USP14: variants seen among roughly 807,000 people sequenced by gnomAD.
USP14 encodes the protein ubiquitin carboxyl-terminal hydrolase 14.
USP14 carries 38 observed loss-of-function variants against 76.5 expected under a neutral mutation model. The observed-to-expected ratio is 0.50, with a 90% CI of 0.38 to 0.65. The LOEUF is 0.65. Among genes scored for constraint, USP14 ranks in the 30% least tolerant of loss-of-function variants. The pLI is 0.00. For missense variants in USP14, 467 were observed against 586.5 expected (o/e 0.80, Z 2.10); for synonymous variants, 192 against 191.7 (o/e 1.00, Z -0.01).
chr18:158,654 T>A lies in USP14; in HGVS notation c.-45T>A. ...GGTCCCCGTCCCTTTGCCGCCCTCG[T>A]CAGGCCCAGCTCTCCTGCGCCGCCG... On this transcript the variant is annotated 5_prime_UTR_variant, in exon 1 of 16. Transcript: ENST00000261601. The A allele has an allele frequency of 4.6e-6, 7 of 1,517,966 alleles. No homozygotes were observed. Among genetic ancestry groups the A allele is most frequent in the Non-Finnish European group, 6.1e-6 (7 of 1,139,510 alleles). The allele number at this position is 1,517,966 out of a possible 1,614,324, so 94.0% of individuals were successfully genotyped here. A position where few individuals can be genotyped will look rare whatever the true frequency, so the allele number is the denominator to read the frequency against.
Position 198,073 on chromosome 18 carries a change from G to A in USP14, c.702G>A (p.Ala234=), listed in dbSNP as rs757210559. The A allele has an allele frequency of 1.2e-5, 20 of 1,610,386 alleles. No homozygotes were observed. Among genetic ancestry groups the A allele is most frequent in the African/African-American group, 2.7e-5 (2 of 74,806 alleles). The part of the protein sequence containing the change: ...KETDSSSASA[A]TPSKKKSLID... Reference sequence around the variant, plus strand: ...CAGACTCCTCATCTGCATCGGCAGCGACACCTTCTAAAAAGAAAAGTTTAA... The same window carrying A: ...CAGACTCCTCATCTGCATCGGCAGCAACACCTTCTAAAAAGAAAAGTTTAA... Residue 234 remains alanine (A), a synonymous_variant, in exon 9 of 16, where the codon GCG becomes GCA. Coordinates refer to ENST00000261601, the MANE Select transcript of USP14 (RefSeq NM_005151.4).
Position 212,848 on chromosome 18 carries a change from A to G in USP14, c.*1564A>G, listed in dbSNP as rs763991170. ...AATAAAGTTTGGGGATTATCATAAC[A>G]TCTCATATCTTTGTGTATGTTGTTT... is the stretch of plus-strand genomic sequence containing the variant. On this transcript the variant is annotated 3_prime_UTR_variant, in exon 16 of 16. Coordinates refer to ENST00000261601, the MANE Select transcript of USP14 (RefSeq NM_005151.4). 5 of 152,204 alleles carry G rather than the reference A, an allele frequency of 3.3e-5. No individual in the cohort carries two copies. The highest frequency in any genetic ancestry group is 6.5e-5 in the Admixed American group (1 of 15,282). 9.4% of individuals were successfully genotyped at this position (152,204 alleles called of 1,614,324 possible).
chr18:176,797 T>C (rs1187041947), intron 3 of USP14, among the ~76,000 whole-genome samples: 3 of 152,066 alleles, frequency 2.0e-5, no homozygotes, highest in African/African-American at 4.8e-5. Flanking sequence ...TAATTGTTGT[T>C]GTGGTATGGT....
intron 15 of USP14, 79 bp from the exon 16 acceptor site, chr18:211,054 A>G: frequency 6.8e-7 from 1 of 1,466,006 alleles, no homozygotes; most frequent in South Asian, 1.3e-5. Flanking sequence ...GCCTCCGATG[A>G]CTTGATACTT....
chr18:206,072 T>C (rs1004067516), intron 13 of USP14, among the ~76,000 whole-genome samples: 12 of 152,256 alleles, frequency 7.9e-5, no homozygotes, highest in Admixed American at 2.6e-4. Flanking sequence ...CTGGAATGAA[T>C]GCCTAGGAAT....
chr18:205,200 A>G (rs1457359190), intron 13 of USP14, among the ~76,000 whole-genome samples: 1 of 152,100 alleles, frequency 6.6e-6, no homozygotes, highest in Non-Finnish European at 1.5e-5. Flanking sequence ...TAGCATGAGA[A>G]ACAGAACTCT....
At chr18:188,451 A>AT (rs371951378) in intron 5 of USP14, among the ~76,000 whole-genome samples, 125 of 140,144 alleles carry the variant, frequency 8.9e-4, no homozygotes, top group African/African-American at 3.2e-3. Flanking sequence ...TTTTAAAAGG[A>AT]TTTTTTGGGG....
intron 13 of USP14, among the ~76,000 whole-genome samples, chr18:208,475 G>A (rs1005687915): frequency 7.2e-5 from 11 of 151,892 alleles, no homozygotes; most frequent in Admixed American, 7.2e-4. Context: ...GTTTTTAGTT[G>A]TATTGATTTC....
chr18:213,984 T>C lies in USP14; in HGVS notation c.*2700T>C, dbSNP rs1002157565. ...GGACAAGATAGATAGATTAGATAGA[T>C]AGATAGATAGATAGATGATGATTGA... On this transcript the variant is annotated 3_prime_UTR_variant, in exon 16 of 16. Coordinates refer to ENST00000261601, the MANE Select transcript of USP14 (RefSeq NM_005151.4). 4.0e-5 allele frequency: 6 copies of C among 150,510 alleles called. No individual in the cohort carries two copies. Among genetic ancestry groups the C allele is most frequent in the Admixed American group, 2.7e-4 (4 of 14,966 alleles). 9.3% of individuals were successfully genotyped at this position (150,510 alleles called of 1,614,324 possible).
At chr18:193,542 TTTAGAACA>T (rs1377254691) in intron 6 of USP14, among the ~76,000 whole-genome samples, 1 of 152,182 alleles carries the variant, frequency 6.6e-6, no homozygotes, top group African/African-American at 2.4e-5. Flanking sequence ...AAATGTTAAT[TTTAGAACA>T]TTATCATTCC....
intron 2 of USP14, among the ~76,000 whole-genome samples, chr18:165,351 A>C (rs1299685848): frequency 6.6e-6 from 1 of 152,094 alleles, no homozygotes; most frequent in Admixed American, 6.6e-5. Context: ...AAGACAGGCT[A>C]CCCCCACTGG....
chr18:199,449 TAC>T, intron 10 of USP14, 133 bp downstream of exon 10: 1 of 613,416 alleles, frequency 1.6e-6, no homozygotes. Context: ...AGTTGCCCGA[TAC>T]ACACAGTCCC....
In USP14 at chr18:202,886, C is replaced by G. The variant is rs1057510652; in HGVS notation, c.883C>G (p.Gln295Glu). The change falls in exon 11 of 16, where the codon CAG (glutamine) becomes GAG (glutamate). Residue 295 changes from glutamine to glutamate, a missense_variant. Gln to Glu is a conservative substitution (Grantham distance 29). Transcript: ENST00000261601. ...YLFTGLKLRL[Q>E]EEITKQSPTL... ...CTGTTATGTTCTTTCTTAGCGACTT[C>G]AGGAAGAAATCACCAAACAGTCTCC... The G allele has an allele frequency of 3.1e-6, 5 of 1,614,076 alleles. No homozygotes were observed. Among genetic ancestry groups the G allele is most frequent in the Non-Finnish European group, 4.2e-6 (5 of 1,179,976 alleles).
intron 12 of USP14, among the ~76,000 whole-genome samples, chr18:203,396 G>A (rs1182210907): frequency 6.6e-6 from 1 of 151,602 alleles, no homozygotes; most frequent in Admixed American, 6.6e-5. Flanking sequence ...CACACACCTG[G>A]CTTCTCCCTC....
intron 1 of USP14, among the ~76,000 whole-genome samples, chr18:160,804 A>T (rs937894774): frequency 5.9e-5 from 9 of 152,212 alleles, no homozygotes; most frequent in Non-Finnish European, 1.2e-4. Context: ...GCCTTCTTCA[A>T]GCCTGATTTC....
At chr18:199,526 G>A (rs955974073) in intron 10 of USP14, among the ~76,000 whole-genome samples, 1 of 152,124 alleles carries the variant, frequency 6.6e-6, no homozygotes, top group African/African-American at 2.4e-5. Context: ...CATTTTAGCA[G>A]GAATGTTAGA....
intron 2 of USP14, among the ~76,000 whole-genome samples, 174 bp from the exon 3 acceptor site, chr18:166,613 G>A (rs994162190): frequency 1.3e-5 from 2 of 152,126 alleles, no homozygotes; most frequent in Non-Finnish European, 2.9e-5. Flanking sequence ...GATTACAGGC[G>A]TGAGCCACTG....
chr18:175,017 TC>T, intron 3 of USP14, among the ~76,000 whole-genome samples: 1 of 151,924 alleles, frequency 6.6e-6, no homozygotes. Context: ...AAGCAATCCT[TC>T]TGCCTTGAGC....
intron 1 of USP14, among the ~76,000 whole-genome samples, chr18:159,456 G>A (rs1909055285): frequency 6.6e-6 from 1 of 152,176 alleles, no homozygotes; most frequent in Non-Finnish European, 1.5e-5. Flanking sequence ...AATGGACCTT[G>A]CTGCTCCCTA....
Sources: allele counts gnomAD v4.1 joint callset (sites outside exome capture counted in the v4.1 genomes callset), GRCh38; gene constraint gnomAD v4.1.1; transcripts MANE v1.5; gene names NCBI Gene and HGNC (gene_info 2026-07-23, HGNC 2026-07-21).